The following AGBL4 variants were observed in gnomAD, a reference collection of about 807,000 sequenced individuals.
AGBL4 encodes the protein cytosolic carboxypeptidase 6.
In AGBL4, 58 loss-of-function variants were observed where a neutral mutation model predicts 66.4. The observed-to-expected ratio is 0.87, with a 90% CI of 0.71 to 1.09. The LOEUF is 1.09. AGBL4 is among the 50% of genes least tolerant of loss of function. The pLI is 0.00. For synonymous variants in AGBL4, 234 were observed against 222.9 expected (o/e 1.05, Z -0.44); for missense variants, 579 against 631.0 (o/e 0.92, Z 0.88).
chr1:49,423,444 C>T (rs1645588485), intron 3 of AGBL4, among the ~76,000 whole-genome samples: 1 of 152,100 alleles, frequency 6.6e-6, no homozygotes, highest in Non-Finnish European at 1.5e-5. Context: ...GAACAGAATA[C>T]CCATGAATTA....
intron 3 of AGBL4, among the ~76,000 whole-genome samples, chr1:49,627,583 T>C (rs2124337285): frequency 6.6e-6 from 1 of 152,312 alleles, no homozygotes; most frequent in Middle Eastern, 3.4e-3. Context: ...AAAGTAGATA[T>C]AGCCAGGCAT....
intron 4 of AGBL4, among the ~76,000 whole-genome samples, chr1:49,165,519 C>G (rs1449621570): frequency 6.6e-6 from 1 of 151,912 alleles, no homozygotes; most frequent in African/African-American, 2.4e-5. Context: ...CCTACCTCAA[C>G]TAGGCAACTG....
At chr1:49,505,840 T>C (rs903131071) in intron 3 of AGBL4, among the ~76,000 whole-genome samples, 1 of 152,036 alleles carries the variant, frequency 6.6e-6, no homozygotes, top group Non-Finnish European at 1.5e-5. Context: ...TTAGTCTCTC[T>C]CTTCTTAATT....
chr1:49,247,291 G>C (rs1651720443), intron 3 of AGBL4, among the ~76,000 whole-genome samples: 1 of 152,036 alleles, frequency 6.6e-6, no homozygotes, highest in Non-Finnish European at 1.5e-5. Flanking sequence ...CTCATGTTTA[G>C]GACTATAATA....
At chr1:49,859,150 C>T (rs2148078906) in intron 1 of AGBL4, among the ~76,000 whole-genome samples, 1 of 152,228 alleles carries the variant, frequency 6.6e-6, no homozygotes, top group Middle Eastern at 3.4e-3. Flanking sequence ...TTAGCAATAT[C>T]AGGAATGAAA....
intron 7 of AGBL4, among the ~76,000 whole-genome samples, chr1:48,654,841 G>A (rs995832984): frequency 2.6e-5 from 4 of 152,236 alleles, no homozygotes; most frequent in African/African-American, 7.2e-5. Flanking sequence ...CTCGGCTAAC[G>A]CGGCAGTAGA....
chr1:48,573,382 A>T (rs1644599465), intron 11 of AGBL4, among the ~76,000 whole-genome samples: 1 of 152,222 alleles, frequency 6.6e-6, no homozygotes, highest in Non-Finnish European at 1.5e-5. Flanking sequence ...AAATTCCATG[A>T]TGAGAACCCA....
chr1:49,093,419 T>G (rs182471296), intron 4 of AGBL4, among the ~76,000 whole-genome samples: 11 of 152,328 alleles, frequency 7.2e-5, no homozygotes, highest in Non-Finnish European at 1.2e-4. Context: ...AGACCTACCA[T>G]GTACAATTTA....
At chr1:48,660,752 C>T (rs1365165678) in intron 7 of AGBL4, among the ~76,000 whole-genome samples, 1 of 152,152 alleles carries the variant, frequency 6.6e-6, no homozygotes, top group African/African-American at 2.4e-5. Context: ...GTGAATTAGC[C>T]GTGTGACTTT....
chr1:49,362,364 A>G (rs1163261718), intron 3 of AGBL4, among the ~76,000 whole-genome samples: 1 of 150,310 alleles, frequency 6.7e-6, no homozygotes, highest in Non-Finnish European at 1.5e-5. Context: ...ATGTTCCCAT[A>G]TATTTCCAAG....
At chr1:49,598,554 C>T (rs534648529) in intron 3 of AGBL4, among the ~76,000 whole-genome samples, 1 of 152,292 alleles carries the variant, frequency 6.6e-6, no homozygotes, top group Non-Finnish European at 1.5e-5. Flanking sequence ...GCGAATGCTG[C>T]TCTCTGATTG....
chr1:48,995,075 C>G (rs919906934), intron 5 of AGBL4, among the ~76,000 whole-genome samples: 1 of 152,180 alleles, frequency 6.6e-6, no homozygotes, highest in African/African-American at 2.4e-5. Flanking sequence ...AAGTCCTGAG[C>G]CTACTACATA....
At chr1:49,897,346 C>T (rs1251993109) in intron 1 of AGBL4, among the ~76,000 whole-genome samples, 1 of 151,708 alleles carries the variant, frequency 6.6e-6, no homozygotes, top group Non-Finnish European at 1.5e-5. Context: ...AAAACTAATC[C>T]CATATACAAT....
chr1:49,306,742 G>A lies in AGBL4; in HGVS notation c.283-60878C>T, dbSNP rs868490722. On this transcript the variant is annotated intron_variant, in intron 3 of 13. Transcript: ENST00000371839. ...GTGTGGGGATAGAGAAGAAATTATGGTAATTTCAATGACAGTGTTATTCAT... is the reference window on the plus strand; with the variant it reads ...GTGTGGGGATAGAGAAGAAATTATGATAATTTCAATGACAGTGTTATTCAT... 2.6e-5 allele frequency among the ~76,000 whole-genome samples: 4 copies of A among 152,148 alleles called. No individual in the cohort carries two copies. In the South Asian group the frequency reaches 6.2e-4, roughly 24 times the overall value.
intron 1 of AGBL4, among the ~76,000 whole-genome samples, chr1:50,002,001 T>G (rs1174622127): frequency 6.6e-6 from 1 of 152,178 alleles, no homozygotes; most frequent in African/African-American, 2.4e-5. Flanking sequence ...TAACAAAAAT[T>G]TATTTTGTTA....
At chr1:48,888,850 A>C (rs976366591) in intron 5 of AGBL4, among the ~76,000 whole-genome samples, 1 of 152,230 alleles carries the variant, frequency 6.6e-6, no homozygotes, top group African/African-American at 2.4e-5. Flanking sequence ...GTAGGCATCG[A>C]ATAAATATCT....
chr1:48,995,739 G>A (rs1660950466), intron 5 of AGBL4, among the ~76,000 whole-genome samples: 1 of 152,080 alleles, frequency 6.6e-6, no homozygotes, highest in Non-Finnish European at 1.5e-5. Context: ...ACAGAGAGAA[G>A]GTCATAATAG....
chr1:49,352,225 C>T (rs981345454), intron 3 of AGBL4, among the ~76,000 whole-genome samples: 1 of 152,192 alleles, frequency 6.6e-6, no homozygotes, highest in African/African-American at 2.4e-5. Context: ...TATTTATTTA[C>T]ATGCCTATCT....
chr1:49,718,106 A>G (rs1170538406), intron 2 of AGBL4, among the ~76,000 whole-genome samples: 2 of 152,024 alleles, frequency 1.3e-5, no homozygotes, highest in African/African-American at 4.8e-5. Flanking sequence ...TCCCCTCCAA[A>G]TCTCATGTTG....
Sources: gnomAD v4.1 joint callset for allele counts (sites outside exome capture counted in the v4.1 genomes callset) on GRCh38, gnomAD v4.1.1 for gene constraint, MANE v1.5 for transcripts, NCBI Gene and HGNC (gene_info 2026-07-23, HGNC 2026-07-21) for gene names.